MSI2: variants seen among roughly 807,000 people sequenced by gnomAD.
MSI2 encodes musashi RNA binding protein 2, also known as RNA-binding protein Musashi homolog 2.
A neutral mutation model predicts 45.6 loss-of-function variants in MSI2; 17 were observed. The observed-to-expected ratio is 0.37, with a 90% CI of 0.26 to 0.56. The LOEUF (loss-of-function observed/expected upper bound fraction) is 0.56. MSI2 is among the 20% of genes least tolerant of loss of function. The pLI is 0.77. For missense variants in MSI2, 293 were observed against 444.2 expected (o/e 0.66, Z 3.06); for synonymous variants, 156 against 158.2 (o/e 0.99, Z 0.11).
At chr17:57,504,789 G>A (rs992060620) in intron 6 of MSI2, among the ~76,000 whole-genome samples, 12 of 152,156 alleles carry the variant, frequency 7.9e-5, no homozygotes, top group Non-Finnish European at 1.0e-4. Context: ...AAAATTAGCC[G>A]GGCAGGTGGC....
intron 5 of MSI2, among the ~76,000 whole-genome samples, chr17:57,272,125 A>G (rs73323438): frequency 0.019 from 2,866 of 152,192 alleles, 98 homozygotes; most frequent in African/African-American, 0.064. Flanking sequence ...GCATGCTTGC[A>G]TGGGCGCCTG....
At chr17:57,588,105 G>C (rs1904478815) in intron 7 of MSI2, among the ~76,000 whole-genome samples, 1 of 152,104 alleles carries the variant, frequency 6.6e-6, no homozygotes, top group South Asian at 2.1e-4. Flanking sequence ...CTTATTTTGG[G>C]GGGAGGGAGG....
chr17:57,543,736 C>G (rs1234253020), intron 7 of MSI2, among the ~76,000 whole-genome samples: 1 of 152,130 alleles, frequency 6.6e-6, no homozygotes, highest in Non-Finnish European at 1.5e-5. Flanking sequence ...TGCTCCCTCC[C>G]CCATGCTGTC....
At chr17:57,599,971 T>C (rs1905688311) in intron 8 of MSI2, among the ~76,000 whole-genome samples, 1 of 152,200 alleles carries the variant, frequency 6.6e-6, no homozygotes, top group Admixed American at 6.5e-5. Flanking sequence ...CGAGTTGTCA[T>C]TGAGAGAGAT....
At chr17:57,344,797 C>T (rs1915459080) in intron 5 of MSI2, among the ~76,000 whole-genome samples, 1 of 152,210 alleles carries the variant, frequency 6.6e-6, no homozygotes, top group Non-Finnish European at 1.5e-5. Context: ...GCCAGAGTGG[C>T]TTGCCCATTC....
chr17:57,558,265 G>T (rs1419063834), intron 7 of MSI2, among the ~76,000 whole-genome samples: 1 of 152,166 alleles, frequency 6.6e-6, no homozygotes, highest in African/African-American at 2.4e-5. Flanking sequence ...CCATCCGAGG[G>T]AAGACGGATG....
chr17:57,420,749 C>T (rs2084380412), intron 6 of MSI2, among the ~76,000 whole-genome samples: 1 of 152,186 alleles, frequency 6.6e-6, no homozygotes, highest in South Asian at 2.1e-4. Context: ...CTTGCTTCTT[C>T]CTCCCCACCC....
chr17:57,529,595 T>A lies in MSI2; in HGVS notation c.406-81T>A. The A allele has an allele frequency of 2.3e-6, 3 of 1,303,364 alleles. No individual in the cohort carries two copies. The highest frequency in any genetic ancestry group is 1.5e-5 in the African/African-American group (1 of 67,772). 80.7% of individuals were successfully genotyped at this position (1,303,364 alleles called of 1,614,324 possible). On this transcript the variant is annotated intron_variant, in intron 6 of 13. Transcript: ENST00000284073. This position sits in a 1 kb window ranked among gnomAD's most constrained non-coding sequence, Gnocchi z 5.3. ...TACTTCTGTAATGGAAACTACCCCC[T>A]CACCCCCCGACATGCATATAATGTT...
intron 5 of MSI2, among the ~76,000 whole-genome samples, chr17:57,285,076 TTTC>T (rs1244624171): frequency 6.6e-6 from 1 of 151,956 alleles, no homozygotes; most frequent in Admixed American, 6.6e-5. Context: ...TTCTTAGAAG[TTTC>T]TTCTTTTCAC....
chr17:57,332,747 C>T (rs937488217), intron 5 of MSI2, among the ~76,000 whole-genome samples: 21 of 152,114 alleles, frequency 1.4e-4, no homozygotes, highest in African/African-American at 4.6e-4. Flanking sequence ...GGATGCAGGC[C>T]GGGCATGGTG....
chr17:57,613,513 G>A (rs750475423), intron 8 of MSI2, among the ~76,000 whole-genome samples: 1 of 151,954 alleles, frequency 6.6e-6, no homozygotes, highest in Admixed American at 6.5e-5. Context: ...TTCTAATTCC[G>A]GTAGGGCAAA....
chr17:57,542,827 A>G (rs928394059), intron 7 of MSI2, among the ~76,000 whole-genome samples: 2 of 152,170 alleles, frequency 1.3e-5, no homozygotes, highest in Admixed American at 6.5e-5. Flanking sequence ...TGCCTCCTTC[A>G]TGTGGGGCCC....
chr17:57,302,410 C>G (rs1247782816), intron 5 of MSI2, among the ~76,000 whole-genome samples: 3 of 152,154 alleles, frequency 2.0e-5, no homozygotes, highest in African/African-American at 4.8e-5. Context: ...GTGTGCCCGG[C>G]CTAGTTATTT....
At chr17:57,499,880 C>A (rs4793550) in intron 6 of MSI2, among the ~76,000 whole-genome samples, 5 of 152,144 alleles carry the variant, frequency 3.3e-5, no homozygotes, top group Non-Finnish European at 7.4e-5. Flanking sequence ...AGTCAAACTC[C>A]TTGTACAGAA....
At chr17:57,452,368 G>A (rs2085034719) in intron 6 of MSI2, among the ~76,000 whole-genome samples, 1 of 152,262 alleles carries the variant, frequency 6.6e-6, no homozygotes. Flanking sequence ...TCACAGAGGG[G>A]AAGCAACTTC....
intron 6 of MSI2, among the ~76,000 whole-genome samples, chr17:57,514,169 C>G (rs149165554): frequency 8.5e-5 from 13 of 152,094 alleles, no homozygotes; most frequent in African/African-American, 3.1e-4. Flanking sequence ...TCAAGGGGGT[C>G]TTGAGAGTAA....
intron 5 of MSI2, among the ~76,000 whole-genome samples, chr17:57,377,562 C>A (rs1042782311): frequency 1.3e-4 from 20 of 152,328 alleles, no homozygotes; most frequent in Admixed American, 1.3e-4. Context: ...GTGACCTGCC[C>A]TATGGAAGTC....
Position 57,525,272 on chromosome 17 carries a change from T to G in MSI2, c.406-4404T>G, listed in dbSNP as rs564301532. 1.7e-3 allele frequency among the ~76,000 whole-genome samples: 259 copies of G among 151,428 alleles called. 3 individuals are homozygous for G. Among genetic ancestry groups the G allele is most frequent in the Non-Finnish European group, 3.1e-3 (213 of 67,710 alleles). ...TAAATGTTACTTTACTTTGCTTTTT[T>G]GGGGGGGGCAGGTGGGGGAGGTTGT... On this transcript the variant is annotated intron_variant, in intron 6 of 13. Coordinates refer to ENST00000284073, the MANE Select transcript of MSI2 (RefSeq NM_138962.4).
intron 6 of MSI2, among the ~76,000 whole-genome samples, chr17:57,453,287 C>T (rs1385525425): frequency 6.6e-6 from 1 of 152,170 alleles, no homozygotes; most frequent in Non-Finnish European, 1.5e-5. Context: ...AGGCATGAGC[C>T]ACCAAGCCTG....
Sources: gnomAD v4.1 joint callset for allele counts (sites outside exome capture counted in the v4.1 genomes callset) on GRCh38, gnomAD v4.1.1 for gene constraint, Gnocchi (gnomAD v3.1) non-coding constraint, MANE v1.5 for transcripts, NCBI Gene and HGNC (gene_info 2026-07-23, HGNC 2026-07-21) for gene names.